The following MCF2L variants were observed in gnomAD, a reference collection of about 807,000 sequenced individuals.
MCF2L encodes the protein guanine nucleotide exchange factor DBS.
MCF2L carries 97 observed loss-of-function variants against 153.4 expected under a neutral mutation model. The observed-to-expected ratio is 0.63, with a 90% confidence interval of 0.54 to 0.75. The LOEUF (loss-of-function observed/expected upper bound fraction) is 0.75, where lower values mean the gene tolerates loss of function less well. Among genes scored for constraint, MCF2L ranks in the 30% least tolerant of loss-of-function variants. The probability of loss-of-function intolerance (pLI) is 0.00; values close to 1 mark genes in which losing one functional copy is unlikely to be tolerated. For missense variants in MCF2L, 1,347 were observed against 1,495.2 expected, an observed-to-expected ratio of 0.90 and a Z score of 1.64; for synonymous variants, 659 against 632.2, an observed-to-expected ratio of 1.04 and a Z score of -0.64.
Position 113,070,181 on chromosome 13 carries a change from GC to G in MCF2L, c.996+11del. 6.4e-7 allele frequency: 1 copy of G among 1,561,746 alleles called. No homozygotes were observed. The highest frequency in any genetic ancestry group is 8.6e-7 in the Non-Finnish European group (1 of 1,156,982). ...GAGCAGGGCTTCCGGGAGGTGAGTGGCCCTGGGTGGAGCCGGCAGCCGCCCT... is the reference window on the plus strand; with the variant it reads ...GAGCAGGGCTTCCGGGAGGTGAGTGGCCTGGGTGGAGCCGGCAGCCGCCCT... On this transcript the variant is annotated intron_variant, in intron 9 of 29. Transcript: ENST00000535094. The surrounding 1 kb of genome is among the most constrained non-coding windows in gnomAD (Gnocchi z 5.6).
At chr13:112,967,343 C>T (rs552391460), upstream of MCF2L, 3 of 152,292 alleles carry the variant, frequency 2.0e-5, no homozygotes, top group South Asian at 2.1e-4. Flanking sequence ...CGCTTGTCCA[C>T]AGAGGGAGAG....
intron 1 of MCF2L, chr13:112,979,316 C>T: frequency 8.4e-7 from 1 of 1,196,714 alleles, no homozygotes; most frequent in South Asian, 2.2e-5. Flanking sequence ...AGGCCCAGAA[C>T]TTGCACACAG....
At chr13:112,974,881 A>C (rs951570344) in intron 1 of MCF2L, among the ~76,000 whole-genome samples, 2 of 152,204 alleles carry the variant, frequency 1.3e-5, no homozygotes, top group African/African-American at 4.8e-5. Context: ...TTCTGGAGCC[A>C]AGCTGGTTCT....
rs1040920603 is a variant in MCF2L at position 112,932,220 on chromosome 13, C to T, written c.169+29849C>T. Among the ~76,000 whole-genome samples, 3 of 149,952 alleles carry T rather than the reference C, an allele frequency of 2.0e-5. No homozygotes were observed. The highest frequency in any genetic ancestry group is 4.5e-5 in the Non-Finnish European group (3 of 67,242). ...GCGACCAGGCGTGTAGACTCGTGCCCTGGGTAAGGCGTGACCGGGATGGCA... is the reference window on the plus strand; with the variant it reads ...GCGACCAGGCGTGTAGACTCGTGCCTTGGGTAAGGCGTGACCGGGATGGCA... On this transcript the variant is annotated intron_variant, in intron 2 of 29. Coordinates refer to the MCF2L transcript ENST00000375608. The surrounding 1 kb of genome is among the most constrained non-coding windows in gnomAD (Gnocchi z 4.6).
intron 2 of MCF2L, among the ~76,000 whole-genome samples, chr13:112,950,632 T>C (rs1055512479): frequency 1.3e-5 from 2 of 152,196 alleles, no homozygotes; most frequent in Non-Finnish European, 2.9e-5. Context: ...GGAAGAAAGA[T>C]AGTCTTTTCA....
At position 112,975,471 on chromosome 13, in the gene MCF2L, G is replaced by A. The variant is rs895137269; in HGVS notation, c.79+6013G>A. 2.0e-5 allele frequency among the ~76,000 whole-genome samples: 3 copies of A among 152,230 alleles called. 1 individual carries two copies. Among genetic ancestry groups the A allele is most frequent in the Admixed American group, 1.3e-4 (2 of 15,288 alleles). ...AATGGACTCAGGAGAGCACCTACCT[G>A]CTAGGGTTGATGTGACAATCAAATG... On this transcript the variant is annotated intron_variant, in intron 1 of 29. Coordinates refer to ENST00000535094, the MANE Select transcript of MCF2L (RefSeq NM_001112732.3).
rs528503707 is a variant in MCF2L at position 113,017,752 on chromosome 13, G to T, written c.163+2906G>T. On this transcript the variant is annotated intron_variant, in intron 2 of 29. Transcript: ENST00000535094. ...ACTCCTGCACACTGACCACCATGGG[G>T]CTGGGGTCCAGCTGGGTGAGGCCCC... 1.5e-4 allele frequency among the ~76,000 whole-genome samples: 23 copies of T among 152,312 alleles called. No individual in the cohort carries two copies. The South Asian group carries it at 3.1e-3, about 21-fold the overall frequency.
chr13:113,043,855 A>C (rs2086647643), intron 3 of MCF2L: 1 of 152,092 alleles, frequency 6.6e-6, no homozygotes, highest in African/African-American at 2.4e-5. Context: ...GCGCCACCAC[A>C]CTCAGCTAAT....
intron 4 of MCF2L, among the ~76,000 whole-genome samples, chr13:113,058,881 T>C (rs572899324): frequency 9.9e-4 from 146 of 148,040 alleles, no homozygotes; most frequent in Non-Finnish European, 1.5e-3. Flanking sequence ...GCTGTGTATT[T>C]GGGCGCTGAG....
Position 112,969,327 on chromosome 13 carries a change from C to G in MCF2L, c.-53C>G. On this transcript the variant is annotated 5_prime_UTR_variant, in exon 1 of 30. Transcript: ENST00000535094. This position sits in a 1 kb window ranked among gnomAD's most constrained non-coding sequence, Gnocchi z 4.8. The stretch of plus-strand genomic sequence containing the variant: ...ACTCGCACGGCCCCACCCGCAGGCG[C>G]CCCCCGTGCGGAGGAAGCGGATCTG... 4.5e-6 allele frequency: 7 copies of G among 1,543,708 alleles called. No individual in the cohort carries two copies. Among genetic ancestry groups the G allele is most frequent in the Non-Finnish European group, 6.1e-6 (7 of 1,142,374 alleles).
intron 5 of MCF2L, chr13:113,063,965 G>A (rs923345518): frequency 2.4e-6 from 1 of 416,408 alleles, no homozygotes; most frequent in Non-Finnish European, 4.8e-6. Context: ...TGACCCGTGA[G>A]GTCGGTCTTG....
At chr13:112,967,413 C>T (rs1012864185), upstream of MCF2L, 13 of 152,170 alleles carry the variant, frequency 8.5e-5, no homozygotes, top group Admixed American at 4.6e-4. Context: ...CAAAGAGATT[C>T]TGTAGAACCA....
At chr13:112,946,869 G>A (rs2081642293) in intron 2 of MCF2L, among the ~76,000 whole-genome samples, 1 of 152,142 alleles carries the variant, frequency 6.6e-6, no homozygotes, top group Non-Finnish European at 1.5e-5. Flanking sequence ...CTCAATGTAG[G>A]AAGCACACAC....
chr13:113,054,861 T>A lies in MCF2L; in HGVS notation c.370-5732T>A, dbSNP rs989745091. 6.6e-6 allele frequency: 1 copy of A among 152,358 alleles called. No homozygotes were observed. Among genetic ancestry groups the A allele is most frequent in the East Asian group, 1.9e-4 (1 of 5,190 alleles). The allele number at this position is 152,358 out of a possible 1,614,324, so 9.4% of individuals were successfully genotyped here. On this transcript the variant is annotated intron_variant, in intron 4 of 29. Coordinates refer to ENST00000535094, the MANE Select transcript of MCF2L (RefSeq NM_001112732.3). The surrounding 1 kb of genome is among the most constrained non-coding windows in gnomAD (Gnocchi z 5.2). ...TTTCTATCTCCAGACTACAGTGCTG[T>A]GGTCATCACACATATCTGTTCCTAA...
At chr13:113,049,700 C>T (rs2087080665) in intron 4 of MCF2L, among the ~76,000 whole-genome samples, 1 of 151,932 alleles carries the variant, frequency 6.6e-6, no homozygotes, top group Admixed American at 6.5e-5. Context: ...CATGGTGCTG[C>T]GGGCGCCACA....
chr13:112,981,649 C>T (rs3011547), intron 1 of MCF2L, among the ~76,000 whole-genome samples: 105,380 of 152,128 alleles, frequency 0.69, 36,696 homozygotes, highest in African/African-American at 0.72. Context: ...AGCCTGAGAC[C>T]GGATGACCAC....
rs534571164 is a variant in MCF2L, at chr13:113,010,628, C to T, written c.80-4135C>T. On this transcript the variant is annotated intron_variant, in intron 1 of 29. Coordinates refer to ENST00000535094, the MANE Select transcript of MCF2L (RefSeq NM_001112732.3). Reference sequence around the variant, plus strand: ...CCTGGCCACCCCCTCGTCGGCCCCACCTGCTGCCTCTGCCCGCGTGGCAGG... The same window carrying T: ...CCTGGCCACCCCCTCGTCGGCCCCATCTGCTGCCTCTGCCCGCGTGGCAGG... Among the ~76,000 whole-genome samples, 17 of 151,998 alleles carry T rather than the reference C, an allele frequency of 1.1e-4. No individual in the cohort carries two copies. In the South Asian group the frequency reaches 3.5e-3, roughly 31 times the overall value.
intron 2 of MCF2L, among the ~76,000 whole-genome samples, chr13:112,946,892 AG>A (rs1313356945): frequency 3.3e-5 from 5 of 152,084 alleles, no homozygotes; most frequent in Admixed American, 3.3e-4. Context: ...GACAACTCTG[AG>A]GGGGGGAGGA....
chr13:112,937,950 T>C (rs2081534312), intron 2 of MCF2L, among the ~76,000 whole-genome samples: 1 of 4,152 alleles, frequency 2.4e-4, no homozygotes, highest in African/African-American at 9.2e-4. Context: ...AGTGGTTGGT[T>C]TATTCAGGTG....
Sources: gnomAD v4.1 joint callset for allele counts (sites outside exome capture counted in the v4.1 genomes callset) on GRCh38, gnomAD v4.1.1 for gene constraint, Gnocchi (gnomAD v3.1) non-coding constraint, MANE v1.5 for transcripts, NCBI Gene and HGNC (gene_info 2026-07-23, HGNC 2026-07-21) for gene names.